SPMIP7: variants seen among roughly 807,000 people sequenced by gnomAD.
SPMIP7 encodes sperm microtubule inner protein 7.
chr7:50,132,596 C>G, the SPMIP7 span, among the ~76,000 whole-genome samples: 2 of 152,078 alleles, frequency 1.3e-5, no homozygotes, highest in South Asian at 4.1e-4. Context: ...AGTGAGGTAT[C>G]TTTTAAGCTT....
chr7:50,154,830 T>C, the SPMIP7 span, among the ~76,000 whole-genome samples: 1 of 152,242 alleles, frequency 6.6e-6, no homozygotes, highest in South Asian at 2.1e-4. Flanking sequence ...ATCAACAGTC[T>C]ATCATTTCTC....
the SPMIP7 span, among the ~76,000 whole-genome samples, chr7:50,115,798 A>T: frequency 6.6e-6 from 1 of 152,338 alleles, no homozygotes; most frequent in South Asian, 2.1e-4. Flanking sequence ...ATATGAAAAA[A>T]AATTGACAAA....
At chr7:50,147,227 G>T in the SPMIP7 span, among the ~76,000 whole-genome samples, 1 of 152,188 alleles carries the variant, frequency 6.6e-6, no homozygotes, top group Admixed American at 6.5e-5. Flanking sequence ...ACATTGATTT[G>T]AACCTGCACT....
At chr7:50,152,987 T>G in the SPMIP7 span, among the ~76,000 whole-genome samples, 4 of 152,106 alleles carry the variant, frequency 2.6e-5, no homozygotes, top group Non-Finnish European at 4.4e-5. Flanking sequence ...GTGCCTGGCC[T>G]TATCAAACAT....
At chr7:50,107,828 C>G in the SPMIP7 span, among the ~76,000 whole-genome samples, 5 of 152,312 alleles carry the variant, frequency 3.3e-5, no homozygotes, top group East Asian at 9.6e-4. Context: ...CAGAAGCATT[C>G]TGGCAGTCTC....
At chr7:50,141,805 CT>C in the SPMIP7 span, 1 of 140,160 alleles carries the variant, frequency 7.1e-6, no homozygotes, top group Non-Finnish European at 1.5e-5. Flanking sequence ...TCTCGGCTCA[CT>C]GCAGACACCG....
At chr7:50,126,801 G>T in the SPMIP7 span, among the ~76,000 whole-genome samples, 4 of 151,688 alleles carry the variant, frequency 2.6e-5, no homozygotes, top group African/African-American at 9.7e-5. Context: ...TAGCTTTGAA[G>T]AATTTTTAAA....
the SPMIP7 span, among the ~76,000 whole-genome samples, chr7:50,130,479 C>T: frequency 6.6e-6 from 1 of 152,060 alleles, no homozygotes; most frequent in African/African-American, 2.4e-5. Flanking sequence ...ATTATCTCCA[C>T]CTGGCCCCAC....
At chr7:50,115,122 AAT>A in the SPMIP7 span, among the ~76,000 whole-genome samples, 5 of 152,158 alleles carry the variant, frequency 3.3e-5, no homozygotes, top group East Asian at 9.6e-4. Context: ...AAGATGTGAA[AAT>A]ATATATCATT....
chr7:50,138,194 T>C, the SPMIP7 span, among the ~76,000 whole-genome samples: 1 of 152,192 alleles, frequency 6.6e-6, no homozygotes, highest in African/African-American at 2.4e-5. Flanking sequence ...GGGGATCCAT[T>C]TTCCCAACAT....
At chr7:50,126,241 A>T in the SPMIP7 span, among the ~76,000 whole-genome samples, 1 of 152,080 alleles carries the variant, frequency 6.6e-6, no homozygotes, top group Non-Finnish European at 1.5e-5. Context: ...ACAGATCCTA[A>T]AAAAAGATAA....
the SPMIP7 span, chr7:50,151,404 T>C: frequency 7.3e-7 from 1 of 1,365,596 alleles, no homozygotes; most frequent in Middle Eastern, 1.8e-4. Context: ...TCACAAATCA[T>C]CATTTTAATT....
the SPMIP7 span, among the ~76,000 whole-genome samples, chr7:50,113,777 G>C: frequency 6.6e-6 from 1 of 152,136 alleles, no homozygotes; most frequent in African/African-American, 2.4e-5. Flanking sequence ...GACACAAATT[G>C]TTCCTAACTG....
the SPMIP7 span, among the ~76,000 whole-genome samples, chr7:50,127,193 T>C: frequency 1.3e-5 from 2 of 152,060 alleles, no homozygotes; most frequent in Non-Finnish European, 2.9e-5. Flanking sequence ...CTGGGGAAAC[T>C]GTATAGCCAC....
chr7:50,131,520 G>C, the SPMIP7 span, among the ~76,000 whole-genome samples: 1 of 152,188 alleles, frequency 6.6e-6, no homozygotes, highest in Non-Finnish European at 1.5e-5. Context: ...GTAAAGCCAT[G>C]GAACTGAATG....
the SPMIP7 span, among the ~76,000 whole-genome samples, chr7:50,140,486 C>T: frequency 6.6e-6 from 1 of 152,226 alleles, no homozygotes; most frequent in Non-Finnish European, 1.5e-5. Context: ...TTGGATGCTA[C>T]CACTATTGAG....
chr7:50,117,155 G>A, the SPMIP7 span: 2 of 429,652 alleles, frequency 4.7e-6, no homozygotes, highest in East Asian at 7.1e-5. Flanking sequence ...AATGAAAATA[G>A]CCTTACAACA....
chr7:50,128,044 G>A, the SPMIP7 span, among the ~76,000 whole-genome samples: 217 of 152,032 alleles, frequency 1.4e-3, 3 homozygotes, highest in African/African-American at 5.0e-3. Context: ...TTCGCATTAG[G>A]CAAAATGTGG....
At chr7:50,151,920 A>G in the SPMIP7 span, among the ~76,000 whole-genome samples, 4 of 152,236 alleles carry the variant, frequency 2.6e-5, no homozygotes, top group Admixed American at 1.3e-4. Context: ...ACCCTTCTGC[A>G]TGATCATCAG....
Sources: allele counts gnomAD v4.1 joint callset (sites outside exome capture counted in the v4.1 genomes callset), GRCh38; gene constraint gnomAD v4.1.1; transcripts MANE v1.5; gene names NCBI Gene and HGNC (gene_info 2026-07-23, HGNC 2026-07-21).